Variants in ANKS1B observed in about 807,000 individuals in gnomAD.
The protein encoded by ANKS1B is ankyrin repeat and sterile alpha motif domain containing 1B.
ANKS1B carries 36 observed loss-of-function variants against 148.3 expected under a neutral mutation model. That is an observed-to-expected ratio of 0.24 (90% CI 0.19 to 0.32). The LOEUF (loss-of-function observed/expected upper bound fraction) is 0.32. Ranked by LOEUF, ANKS1B falls within the 10% of genes least tolerant of loss-of-function variation. The pLI, the probability that ANKS1B is intolerant of heterozygous loss-of-function variation, is 1.00. For missense variants in ANKS1B, 1,157 were observed against 1,542.6 expected, an observed-to-expected ratio of 0.75 and a Z score of 4.19; for synonymous variants, 542 against 560.8, an observed-to-expected ratio of 0.97 and a Z score of 0.47.
At chr12:99,817,360 G>A (rs1254517150) in intron 2 of ANKS1B, among the ~76,000 whole-genome samples, 1 of 151,494 alleles carries the variant, frequency 6.6e-6, no homozygotes, top group Non-Finnish European at 1.5e-5. Context: ...CTTTTTTATG[G>A]TTGAATAATA....
At chr12:99,749,019 A>T (rs1379589134) in intron 8 of ANKS1B, among the ~76,000 whole-genome samples, 1 of 152,104 alleles carries the variant, frequency 6.6e-6, no homozygotes, top group East Asian at 1.9e-4. Context: ...TCCATCAGCA[A>T]AATATTCGTT....
intron 9 of ANKS1B, among the ~76,000 whole-genome samples, chr12:99,642,537 G>A (rs2073186358): frequency 6.6e-6 from 1 of 152,076 alleles, no homozygotes; most frequent in Non-Finnish European, 1.5e-5. Flanking sequence ...GAGAATCTAG[G>A]GGGCATGGTG....
At chr12:99,738,542 C>T (rs1297704365) in intron 8 of ANKS1B, among the ~76,000 whole-genome samples, 1 of 152,086 alleles carries the variant, frequency 6.6e-6, no homozygotes, top group Non-Finnish European at 1.5e-5. Context: ...AGTTTGCTTT[C>T]TAAATAAATC....
At chr12:99,593,620 C>A (rs2097726520) in intron 9 of ANKS1B, among the ~76,000 whole-genome samples, 2 of 151,952 alleles carry the variant, frequency 1.3e-5, no homozygotes, top group Admixed American at 6.6e-5. Flanking sequence ...TTAATTAAAA[C>A]AATCGAAGCG....
At chr12:99,580,699 T>C (rs551746637) in intron 9 of ANKS1B, among the ~76,000 whole-genome samples, 50 of 152,294 alleles carry the variant, frequency 3.3e-4, no homozygotes, top group African/African-American at 1.1e-3. Context: ...AGGATCACTA[T>C]AGTTAATGAT....
intron 17 of ANKS1B, among the ~76,000 whole-genome samples, chr12:98,948,787 A>C: frequency 2.1e-5 from 3 of 140,574 alleles, no homozygotes; most frequent in South Asian, 2.5e-4. Flanking sequence ...ACACACACAC[A>C]TGCTGGGATT....
intron 12 of ANKS1B, among the ~76,000 whole-genome samples, chr12:99,316,242 C>T (rs993733168): frequency 2.6e-5 from 4 of 152,194 alleles, no homozygotes; most frequent in African/African-American, 9.6e-5. Flanking sequence ...TGAGGAATTG[C>T]CACACTGTTT....
chr12:98,787,596 T>C (rs1282974921), intron 22 of ANKS1B, among the ~76,000 whole-genome samples: 1 of 152,056 alleles, frequency 6.6e-6, no homozygotes, highest in Admixed American at 6.6e-5. Flanking sequence ...AGTGAATTAA[T>C]GTATCGTAAC....
At chr12:99,871,373 C>T (rs958205988) in intron 1 of ANKS1B, among the ~76,000 whole-genome samples, 2 of 152,102 alleles carry the variant, frequency 1.3e-5, no homozygotes, top group East Asian at 1.9e-4. Context: ...TTTTTGCTTA[C>T]GATTGCTTTG....
At chr12:99,146,957 C>T (rs1049186181) in intron 15 of ANKS1B, among the ~76,000 whole-genome samples, 1 of 152,106 alleles carries the variant, frequency 6.6e-6, no homozygotes, top group Non-Finnish European at 1.5e-5. Context: ...CATGCCCACG[C>T]CCATTTATCT....
In ANKS1B at chr12:99,825,355, T is replaced by C. The variant is rs1253233230; in HGVS notation, c.169A>G (p.Ser57Gly). 2 of 1,612,674 alleles carry C rather than the reference T, an allele frequency of 1.2e-6. No homozygotes were observed. Among genetic ancestry groups the C allele is most frequent in the Non-Finnish European group, 8.5e-7 (1 of 1,179,372 alleles). ...WRGPNVNCTD[S>G]SGYTALHHAA... ...TGGTGTAAAGCAGTGTAACCCGAAC[T>C]GTCTGTGCAGTTCACATTGGGGCCT... is the stretch of plus-strand genomic sequence containing the variant. The change falls in exon 2 of 27, where the codon AGT (serine) becomes GGT (glycine). Residue 57 changes from serine (S) to glycine (G), a missense_variant. Ser to Gly is a moderately conservative substitution (Grantham distance 56). Coordinates refer to ENST00000683438, the MANE Select transcript of ANKS1B (RefSeq NM_001352186.2).
At chr12:99,948,332 CA>C (rs1261030830) in intron 1 of ANKS1B, among the ~76,000 whole-genome samples, 5 of 107,742 alleles carry the variant, frequency 4.6e-5, no homozygotes, top group Admixed American at 9.7e-5. Context: ...CTGGCCATAG[CA>C]AAAAAAAAGA....
chr12:99,806,324 A>T, intron 4 of ANKS1B, 80 bp downstream of exon 4: 2 of 1,523,532 alleles, frequency 1.3e-6, no homozygotes, highest in Non-Finnish European at 1.8e-6. Context: ...AAAGATTTCT[A>T]CATACAGGTT....
chr12:99,070,647 C>G (rs1241522779), intron 16 of ANKS1B, among the ~76,000 whole-genome samples: 11 of 152,164 alleles, frequency 7.2e-5, no homozygotes, highest in African/African-American at 2.7e-4. Flanking sequence ...ACTTCCACAA[C>G]AAAGAAGTTT....
chr12:99,838,569 T>C (rs138156605), intron 1 of ANKS1B, among the ~76,000 whole-genome samples: 1 of 152,286 alleles, frequency 6.6e-6, no homozygotes, highest in African/African-American at 2.4e-5. Flanking sequence ...ATGTTGAAAA[T>C]ATTTCCCTTA....
At chr12:98,749,076 G>A (rs1268950890) in intron 26 of ANKS1B, among the ~76,000 whole-genome samples, 3 of 152,048 alleles carry the variant, frequency 2.0e-5, no homozygotes, top group African/African-American at 7.2e-5. Context: ...TGACAACACA[G>A]GTGGGGTCCC....
At chr12:99,496,903 A>G (rs1388909238) in intron 10 of ANKS1B, among the ~76,000 whole-genome samples, 3 of 152,172 alleles carry the variant, frequency 2.0e-5, no homozygotes, top group African/African-American at 7.2e-5. Flanking sequence ...CTGAGAAATG[A>G]AAGCCAGGCA....
intron 1 of ANKS1B, among the ~76,000 whole-genome samples, chr12:99,910,739 A>G (rs2093980218): frequency 6.6e-6 from 1 of 152,326 alleles, no homozygotes; most frequent in African/African-American, 2.4e-5. Context: ...AAAAACATGT[A>G]TCTAACGCAA....
At chr12:99,726,251 TAAAG>T (rs1222727420) in intron 8 of ANKS1B, among the ~76,000 whole-genome samples, 21 of 151,342 alleles carry the variant, frequency 1.4e-4, no homozygotes, top group Admixed American at 1.1e-3. Context: ...GCTAGACTAA[TAAAG>T]AAGAAAAAAG....
Sources: allele counts gnomAD v4.1 joint callset (sites outside exome capture counted in the v4.1 genomes callset), GRCh38; gene constraint gnomAD v4.1.1; transcripts MANE v1.5; gene names NCBI Gene and HGNC (gene_info 2026-07-23, HGNC 2026-07-21).